The following PCDH11X variants were observed in gnomAD, a reference collection of about 807,000 sequenced individuals.
PCDH11X encodes protocadherin 11 X-linked, also known as protocadherin-11 X-linked.
A neutral mutation model predicts 53.3 loss-of-function variants in PCDH11X; 18 were observed. The ratio of observed to expected loss-of-function variants is 0.34; its 90% CI spans 0.23 to 0.50. PCDH11X has a LOEUF of 0.50. Among genes scored for constraint, PCDH11X ranks in the 20% least tolerant of loss-of-function variants. The probability of loss-of-function intolerance (pLI) is 0.98; values close to 1 mark genes in which losing one functional copy is unlikely to be tolerated. For synonymous variants in PCDH11X, 279 were observed against 393.3 expected (o/e 0.71, Z 3.44); for missense variants, 570 against 1,032.4 (o/e 0.55, Z 6.14).
intron 7 of PCDH11X, among the ~76,000 whole-genome samples, chrX:92,257,829 G>A (rs2148408160): frequency 8.9e-6 from 1 of 112,312 alleles, no homozygotes; most frequent in Non-Finnish European, 1.9e-5. Context: ...TTGAGTGCTT[G>A]TGGCTTTTCC....
chrX:91,959,812 A>C (rs756788327), intron 6 of PCDH11X, among the ~76,000 whole-genome samples: 1 of 108,876 alleles, frequency 9.2e-6, no homozygotes, highest in Admixed American at 1.0e-4. Context: ...ATATACTCTG[A>C]AGAGGGGTTG....
chrX:91,895,918 C>T (rs1940734454), intron 6 of PCDH11X, among the ~76,000 whole-genome samples: 1 of 102,030 alleles, frequency 9.8e-6, no homozygotes, highest in South Asian at 4.3e-4. Flanking sequence ...TATACATATA[C>T]ACGTATATTA....
At chrX:92,501,578 G>A (rs753802509) in intron 10 of PCDH11X, among the ~76,000 whole-genome samples, 183 of 111,535 alleles carry the variant, frequency 1.6e-3, no homozygotes, top group African/African-American at 4.3e-3. Context: ...CTCAACATAC[G>A]CGAATCAATA....
At chrX:91,921,971 T>A (rs1042558421) in intron 6 of PCDH11X, among the ~76,000 whole-genome samples, 114 of 111,410 alleles carry the variant, frequency 1.0e-3, no homozygotes, top group Non-Finnish European at 1.5e-3. Context: ...CTCAGTGTTT[T>A]CTATCATATA....
chrX:92,027,205 A>T (rs1383138463), intron 6 of PCDH11X, among the ~76,000 whole-genome samples: 2 of 111,128 alleles, frequency 1.8e-5, no homozygotes, highest in Non-Finnish European at 3.8e-5. Flanking sequence ...TGTCTCAATG[A>T]TAGTGTCATT....
At chrX:92,326,622 C>CTATATATATATATATATATATATA (rs1160866218) in intron 8 of PCDH11X, among the ~76,000 whole-genome samples, 2 of 45,805 alleles carry the variant, frequency 4.4e-5, no homozygotes, top group Non-Finnish European at 6.5e-5. Context: ...TTTTAATAAA[C>CTATATATATATATATATATATATA]TATATATATA....
chrX:92,208,536 T>TATAC lies in PCDH11X; in HGVS notation c.3114+7082_3114+7083insTACA, dbSNP rs1408059749. ...ATATATATATATATATATATATATA[T>TATAC]ACAATTTTTTTTAAAGGAGGCTCTT... On this transcript the variant is annotated intron_variant, in intron 7 of 10. Transcript: ENST00000682573. Among the ~76,000 whole-genome samples, 161 of 80,075 alleles carry TATAC rather than the reference T, an allele frequency of 2.0e-3. 6 individuals are homozygous for TATAC. Among genetic ancestry groups the TATAC allele is most frequent in the African/African-American group, 7.9e-3 (160 of 20,197 alleles). 69.5% of individuals were successfully genotyped at this position (80,075 alleles called of 115,157 possible). A position where few individuals can be genotyped will look rare whatever the true frequency, so the allele number is the denominator to read the frequency against.
At chrX:92,159,110 TTCTAA>T (rs2065591994) in intron 6 of PCDH11X, among the ~76,000 whole-genome samples, 2 of 112,130 alleles carry the variant, frequency 1.8e-5, no homozygotes, top group Admixed American at 1.9e-4. Context: ...ATTCTTGCTC[TTCTAA>T]TATAAATATT....
chrX:91,970,058 A>G (rs1292144006), intron 6 of PCDH11X, among the ~76,000 whole-genome samples: 1 of 111,079 alleles, frequency 9.0e-6, no homozygotes, highest in East Asian at 2.9e-4. Context: ...AGTGAGTGTT[A>G]CAGCTCATAA....
At chrX:92,014,647 A>G (rs1396386976) in intron 6 of PCDH11X, among the ~76,000 whole-genome samples, 1 of 111,842 alleles carries the variant, frequency 8.9e-6, no homozygotes, top group African/African-American at 3.3e-5. Context: ...AATGTTCAAC[A>G]ATGATAGACT....
intron 10 of PCDH11X, among the ~76,000 whole-genome samples, chrX:92,487,871 C>G (rs2148681015): frequency 9.0e-6 from 1 of 111,378 alleles, no homozygotes; most frequent in East Asian, 2.9e-4. Context: ...AATACTTTAT[C>G]CTTTGATGAA....
intron 10 of PCDH11X, among the ~76,000 whole-genome samples, chrX:92,479,312 A>G (rs1440083622): frequency 9.1e-6 from 1 of 109,368 alleles, no homozygotes; most frequent in Non-Finnish European, 1.9e-5. Flanking sequence ...TCTTTATGCA[A>G]CTTAACAGTC....
At chrX:92,489,395 GCTA>G (rs1008898080) in intron 10 of PCDH11X, among the ~76,000 whole-genome samples, 1 of 110,777 alleles carries the variant, frequency 9.0e-6, no homozygotes, top group African/African-American at 3.3e-5. Flanking sequence ...GAAGACAATG[GCTA>G]CTTAGAGACA....
intron 8 of PCDH11X, among the ~76,000 whole-genome samples, chrX:92,370,809 C>A: frequency 8.9e-6 from 1 of 112,052 alleles, no homozygotes; most frequent in South Asian, 3.7e-4. Flanking sequence ...CCATTATTGA[C>A]AATGGAATAT....
chrX:91,819,940 C>T (rs1329543451), intron 4 of PCDH11X, among the ~76,000 whole-genome samples: 9 of 98,512 alleles, frequency 9.1e-5, no homozygotes, highest in Admixed American at 4.6e-4. Flanking sequence ...TTTGTTCTTG[C>T]GATAGTTTAC....
chrX:92,093,007 A>G (rs190030301), intron 6 of PCDH11X, among the ~76,000 whole-genome samples: 1 of 110,976 alleles, frequency 9.0e-6, no homozygotes, highest in Non-Finnish European at 1.9e-5. Flanking sequence ...GTGGCACCCC[A>G]CCACTCACTC....
chrX:92,127,514 C>G (rs2064888732), intron 6 of PCDH11X, among the ~76,000 whole-genome samples: 1 of 101,987 alleles, frequency 9.8e-6, no homozygotes, highest in South Asian at 4.1e-4. Context: ...TATCTTTCCC[C>G]CCACTTTTTT....
intron 9 of PCDH11X, among the ~76,000 whole-genome samples, chrX:92,442,710 T>A (rs1415296100): frequency 9.4e-6 from 1 of 105,917 alleles, no homozygotes; most frequent in Non-Finnish European, 1.9e-5. Context: ...GGTAATGGGC[T>A]CCAGTTGCAT....
chrX:92,055,015 C>G (rs1448661059), intron 6 of PCDH11X, among the ~76,000 whole-genome samples: 1 of 63,863 alleles, frequency 1.6e-5, no homozygotes, highest in Non-Finnish European at 2.8e-5. Flanking sequence ...TATGGAATAC[C>G]CATTATGTGG....
Sources: allele counts gnomAD v4.1 joint callset (sites outside exome capture counted in the v4.1 genomes callset), GRCh38; gene constraint gnomAD v4.1.1; transcripts MANE v1.5; gene names NCBI Gene and HGNC (gene_info 2026-07-23, HGNC 2026-07-21).